Variants in KCNIP4 observed in about 807,000 individuals in gnomAD.
The protein encoded by KCNIP4 is Kv channel-interacting protein 4.
A neutral mutation model predicts 34.0 loss-of-function variants in KCNIP4; 12 were observed. The observed-to-expected ratio is 0.35, with a 90% confidence interval of 0.23 to 0.57. KCNIP4 has a LOEUF of 0.57. KCNIP4 is among the 20% of genes least tolerant of loss of function. The probability of loss-of-function intolerance (pLI) is 0.83; values close to 1 mark genes in which losing one functional copy is unlikely to be tolerated. For synonymous variants in KCNIP4, 124 were observed against 102.2 expected (o/e 1.21, Z -1.29); for missense variants, 238 against 311.7 (o/e 0.76, Z 1.78).
intron 1 of KCNIP4, among the ~76,000 whole-genome samples, chr4:21,447,297 C>A (rs988500452): frequency 6.6e-6 from 1 of 152,052 alleles, no homozygotes; most frequent in Non-Finnish European, 1.5e-5. Flanking sequence ...ATGCCAGCAG[C>A]CACCCAGAAA....
chr4:21,381,913 G>A (rs1225666119), intron 1 of KCNIP4, among the ~76,000 whole-genome samples: 2 of 152,138 alleles, frequency 1.3e-5, no homozygotes, highest in African/African-American at 2.4e-5. Context: ...CTAGCATGGA[G>A]TCATATATTA....
intron 1 of KCNIP4, among the ~76,000 whole-genome samples, chr4:21,540,622 A>G (rs1216690299): frequency 6.6e-6 from 1 of 152,176 alleles, no homozygotes; most frequent in Non-Finnish European, 1.5e-5. Context: ...AACATGTACA[A>G]ATTTTAGTAG....
At position 21,556,127 on chromosome 4, in the gene KCNIP4, T is replaced by C. The variant is rs1433611846; in HGVS notation, c.61+392444A>G. ...AAAAGGGGTGAGAAACATATGTGTG[T>C]TTTGTAATTGAGTAAAAATGGATTT... On this transcript the variant is annotated intron_variant, in intron 1 of 8. Transcript: ENST00000382152. Among the ~76,000 whole-genome samples, 4 of 152,284 alleles carry C rather than the reference T, an allele frequency of 2.6e-5. No individual in the cohort carries two copies. The East Asian group carries it at 5.8e-4, about 22-fold the overall frequency.
chr4:21,412,660 A>G (rs1724608179), intron 1 of KCNIP4, among the ~76,000 whole-genome samples: 1 of 152,208 alleles, frequency 6.6e-6, no homozygotes, highest in Non-Finnish European at 1.5e-5. Flanking sequence ...ATTTGTTTCT[A>G]TGATATGTAG....
At chr4:21,907,275 G>A (rs1412043114) in intron 1 of KCNIP4, among the ~76,000 whole-genome samples, 1 of 152,044 alleles carries the variant, frequency 6.6e-6, no homozygotes, top group Non-Finnish European at 1.5e-5. Flanking sequence ...GAAAAGAGTG[G>A]GTTGCTATAA....
intron 1 of KCNIP4, among the ~76,000 whole-genome samples, chr4:21,453,139 A>C (rs952736402): frequency 6.6e-6 from 1 of 152,036 alleles, no homozygotes; most frequent in Non-Finnish European, 1.5e-5. Context: ...TGTGTGAGTC[A>C]GCTGTCTGAT....
intron 1 of KCNIP4, among the ~76,000 whole-genome samples, chr4:21,500,332 G>T (rs1733211293): frequency 6.6e-6 from 1 of 152,058 alleles, no homozygotes; most frequent in Non-Finnish European, 1.5e-5. Flanking sequence ...TGAGAGAACT[G>T]ATTTGGGAGT....
intron 1 of KCNIP4, among the ~76,000 whole-genome samples, chr4:21,532,644 TG>T (rs1264331888): frequency 6.6e-6 from 1 of 152,158 alleles, no homozygotes; most frequent in African/African-American, 2.4e-5. Context: ...TTTTTTCATC[TG>T]AAGTATCTCT....
chr4:21,589,160 A>G lies in KCNIP4; in HGVS notation c.61+359411T>C, dbSNP rs113838916. Among the ~76,000 whole-genome samples, 98 of 31,684 alleles carry G rather than the reference A, an allele frequency of 3.1e-3. 1 individual carries two copies. Among genetic ancestry groups the G allele is most frequent in the African/African-American group, 7.6e-3 (70 of 9,236 alleles). 20.8% of individuals were successfully genotyped at this position (31,684 alleles called of 152,430 possible). ...GGGGCACAAAAATGGAGGTGTGTAT[A>G]TATATATATATATATATATATATAT... On this transcript the variant is annotated intron_variant, in intron 1 of 8. Transcript: ENST00000382152.
chr4:21,397,660 A>T (rs1160286463), intron 1 of KCNIP4, among the ~76,000 whole-genome samples: 1 of 152,214 alleles, frequency 6.6e-6, no homozygotes, highest in African/African-American at 2.4e-5. Flanking sequence ...TAAATATAAC[A>T]TTGCTTCTGC....
intron 1 of KCNIP4, among the ~76,000 whole-genome samples, chr4:20,934,404 C>T (rs1324231778): frequency 6.6e-6 from 1 of 152,142 alleles, no homozygotes; most frequent in African/African-American, 2.4e-5. Flanking sequence ...CATCATGTGC[C>T]ACTGGAGACT....
chr4:21,295,605 G>T (rs1280189318), intron 1 of KCNIP4, among the ~76,000 whole-genome samples: 1 of 152,020 alleles, frequency 6.6e-6, no homozygotes, highest in African/African-American at 2.4e-5. Context: ...GTATGTGGCG[G>T]TTCCTTTGCC....
intron 1 of KCNIP4, among the ~76,000 whole-genome samples, chr4:21,877,168 C>T (rs556485137): frequency 3.7e-4 from 56 of 152,236 alleles, no homozygotes; most frequent in African/African-American, 1.2e-3. Context: ...GCCTGACCAA[C>T]ATGGTGAAAC....
intron 1 of KCNIP4, among the ~76,000 whole-genome samples, chr4:21,607,455 C>G (rs1021863): frequency 0.85 from 129,809 of 151,972 alleles, 55,570 homozygotes; most frequent in East Asian, 0.99. Context: ...CAGCTATCAA[C>G]AATAGACACT....
At chr4:21,834,041 G>A (rs1378507109) in intron 1 of KCNIP4, among the ~76,000 whole-genome samples, 1 of 152,034 alleles carries the variant, frequency 6.6e-6, no homozygotes, top group Non-Finnish European at 1.5e-5. Context: ...CTCCAGCTTT[G>A]TTCTTTTGGC....
chr4:20,897,562 A>G (rs1251849283), intron 1 of KCNIP4, among the ~76,000 whole-genome samples: 4 of 151,478 alleles, frequency 2.6e-5, no homozygotes, highest in Admixed American at 2.6e-4. Context: ...AGTACTTCAG[A>G]TTATATTTGG....
intron 1 of KCNIP4, among the ~76,000 whole-genome samples, chr4:21,528,837 A>T (rs1401964901): frequency 7.1e-6 from 1 of 141,810 alleles, no homozygotes; most frequent in Non-Finnish European, 1.5e-5. Context: ...GGAAGGAAGG[A>T]AGGAAGGAAG....
chr4:21,123,347 A>G (rs1233335235), intron 1 of KCNIP4, among the ~76,000 whole-genome samples: 5 of 152,186 alleles, frequency 3.3e-5, no homozygotes, highest in Admixed American at 1.3e-4. Flanking sequence ...AAAAAACAGA[A>G]ACATCCCTGT....
At chr4:21,632,371 G>C (rs1293601331) in intron 1 of KCNIP4, among the ~76,000 whole-genome samples, 2 of 147,532 alleles carry the variant, frequency 1.4e-5, no homozygotes, top group Non-Finnish European at 3.0e-5. Flanking sequence ...GAGCCACCAT[G>C]CCTGGCTAAT....
Sources: allele counts gnomAD v4.1 joint callset (sites outside exome capture counted in the v4.1 genomes callset), GRCh38; gene constraint gnomAD v4.1.1; transcripts MANE v1.5; gene names NCBI Gene and HGNC (gene_info 2026-07-23, HGNC 2026-07-21).